Variants in UTS2B observed in about 807,000 individuals in gnomAD.
UTS2B encodes urotensin-2B.
UTS2B carries 21 observed loss-of-function variants against 19.2 expected under a neutral mutation model. The ratio of observed to expected loss-of-function variants is 1.09; its 90% CI spans 0.78 to 1.58. The LOEUF is 1.58. Ranked by LOEUF, UTS2B falls within the 40% of genes most tolerant of loss-of-function variation. The pLI is 0.00. For missense variants in UTS2B, 138 were observed against 130.3 expected, an observed-to-expected ratio of 1.06 and a Z score of -0.29; for synonymous variants, 57 against 50.2, an observed-to-expected ratio of 1.14 and a Z score of -0.58.
the UTS2B span, among the ~76,000 whole-genome samples, chr3:191,343,077 T>C: frequency 7.1e-6 from 1 of 140,782 alleles, no homozygotes; most frequent in Non-Finnish European, 1.6e-5. Context: ...CTTGGCGGGA[T>C]GCAAGGCCTG....
chr3:191,315,493 G>A (rs74789476), intron 3 of UTS2B, among the ~76,000 whole-genome samples: 3,725 of 152,262 alleles, frequency 0.024, 150 homozygotes, highest in African/African-American at 0.085. Context: ...AGATAGTGTC[G>A]GAATTGGATT....
intron 4 of UTS2B, among the ~76,000 whole-genome samples, chr3:191,289,443 TAAATAAAA>T (rs1560137108): frequency 2.8e-5 from 4 of 144,930 alleles, no homozygotes; most frequent in African/African-American, 1.0e-4. Flanking sequence ...AATAAATAAA[TAAATAAAA>T]AACAAACGAA....
intron 3 of UTS2B, among the ~76,000 whole-genome samples, chr3:191,309,468 T>C (rs1223965056): frequency 6.6e-6 from 1 of 152,144 alleles, no homozygotes; most frequent in Non-Finnish European, 1.5e-5. Flanking sequence ...CCACCTCGCC[T>C]GGCCTCTTTG....
At chr3:191,305,695 T>C (rs293866) in intron 3 of UTS2B, among the ~76,000 whole-genome samples, 49,438 of 152,080 alleles carry the variant, frequency 0.33, 8,076 homozygotes, top group South Asian at 0.38. Flanking sequence ...ATTTTTTCTT[T>C]TGTTGCAGTT....
At chr3:191,275,143 G>A (rs1180368544) in intron 8 of UTS2B, 109 bp downstream of exon 8, 10 of 753,962 alleles carry the variant, frequency 1.3e-5, no homozygotes, top group Non-Finnish European at 2.2e-5. Context: ...CTTTATATTG[G>A]TCACCACCAT....
chr3:191,336,399 A>G, the UTS2B span, among the ~76,000 whole-genome samples: 1 of 151,914 alleles, frequency 6.6e-6, no homozygotes, highest in Non-Finnish European at 1.5e-5. Context: ...TTGTGGATTT[A>G]ATTTGTATTT....
At chr3:191,322,864 C>T (rs1243693225) in intron 2 of UTS2B, among the ~76,000 whole-genome samples, 1 of 152,130 alleles carries the variant, frequency 6.6e-6, no homozygotes, top group African/African-American at 2.4e-5. Flanking sequence ...TCTTCTGAGC[C>T]CCTTGAGTGC....
At chr3:191,333,319 A>G (rs1718048371), upstream of UTS2B, among the ~76,000 whole-genome samples, 1 of 152,214 alleles carries the variant, frequency 6.6e-6, no homozygotes, top group African/African-American at 2.4e-5. Flanking sequence ...CTCCAGTGGC[A>G]TAATGTGTTA....
chr3:191,318,094 A>G (rs1214781448), intron 2 of UTS2B, among the ~76,000 whole-genome samples: 1 of 152,202 alleles, frequency 6.6e-6, no homozygotes, highest in Non-Finnish European at 1.5e-5. Flanking sequence ...GTCGTACTGC[A>G]GGAGGGCATG....
At chr3:191,304,147 G>A (rs573821188) in intron 4 of UTS2B, among the ~76,000 whole-genome samples, 242 of 152,178 alleles carry the variant, frequency 1.6e-3, no homozygotes, top group African/African-American at 5.3e-3. Context: ...TAGTAGAGAC[G>A]GGGTTTCACC....
intron 3 of UTS2B, among the ~76,000 whole-genome samples, chr3:191,309,753 C>T (rs1305748959): frequency 1.3e-5 from 2 of 152,096 alleles, no homozygotes; most frequent in African/African-American, 2.4e-5. Context: ...AGCACCTCCT[C>T]TTGCTCTCTC....
the UTS2B span, among the ~76,000 whole-genome samples, chr3:191,343,205 A>C: frequency 5.3e-5 from 8 of 152,220 alleles, no homozygotes; most frequent in African/African-American, 1.9e-4. Flanking sequence ...ACGTATACCC[A>C]GGGATGACTG....
At chr3:191,340,556 A>G in the UTS2B span, among the ~76,000 whole-genome samples, 1 of 152,230 alleles carries the variant, frequency 6.6e-6, no homozygotes, top group African/African-American at 2.4e-5. Flanking sequence ...CTTGATGGTG[A>G]TAATTTGATG....
chr3:191,329,641 C>A, intron 1 of UTS2B: 2 of 1,597,088 alleles, frequency 1.3e-6, no homozygotes, highest in Non-Finnish European at 8.5e-7. Context: ...CCGGGAAGCC[C>A]GCGTTAAAGG....
At chr3:191,310,475 A>G (rs1717270082) in intron 3 of UTS2B, among the ~76,000 whole-genome samples, 1 of 152,184 alleles carries the variant, frequency 6.6e-6, no homozygotes, top group South Asian at 2.1e-4. Context: ...AACAAATCCT[A>G]TTTAGTGTGC....
upstream of UTS2B, among the ~76,000 whole-genome samples, chr3:191,334,880 A>AT (rs1427913083): frequency 2.6e-5 from 4 of 152,148 alleles, no homozygotes; most frequent in African/African-American, 9.7e-5. Flanking sequence ...TTAACATACA[A>AT]TTTTTTACAA....
chr3:191,333,116 T>G (rs902937481), upstream of UTS2B, among the ~76,000 whole-genome samples: 6 of 152,182 alleles, frequency 3.9e-5, no homozygotes, highest in South Asian at 1.2e-3. Context: ...CTGTGTGTGT[T>G]GGTGTGCATG....
intron 1 of UTS2B, among the ~76,000 whole-genome samples, chr3:191,330,048 T>A (rs376630886): frequency 1.3e-5 from 2 of 151,876 alleles, no homozygotes; most frequent in Non-Finnish European, 1.5e-5. Flanking sequence ...GAATCTGACT[T>A]ACTCCGCTTC....
In UTS2B at chr3:191,304,537, A is replaced by C. The variant is rs1319093193; in HGVS notation, c.-170T>G. 6.6e-6 allele frequency: 1 copy of C among 152,214 alleles called. No individual in the cohort carries two copies. Among genetic ancestry groups the C allele is most frequent in the Non-Finnish European group, 1.5e-5 (1 of 68,036 alleles). 9.4% of individuals were successfully genotyped at this position (152,214 alleles called of 1,614,324 possible). On this transcript the variant is annotated 5_prime_UTR_variant, in exon 4 of 9. Coordinates refer to ENST00000340524, the MANE Select transcript of UTS2B (RefSeq NM_198152.5). ...TCCCAAATAAACTCCTTTGACTTGGATCCTTCTGCTTCTGCAGAAAGCAAA... is the reference window on the plus strand; with the variant it reads ...TCCCAAATAAACTCCTTTGACTTGGCTCCTTCTGCTTCTGCAGAAAGCAAA...
Sources: gnomAD v4.1 joint callset for allele counts (sites outside exome capture counted in the v4.1 genomes callset) on GRCh38, gnomAD v4.1.1 for gene constraint, MANE v1.5 for transcripts, NCBI Gene and HGNC (gene_info 2026-07-23, HGNC 2026-07-21) for gene names.